LIMD1: variants seen among roughly 807,000 people sequenced by gnomAD.
The protein encoded by LIMD1 is LIM domain containing 1.
Under a neutral mutation model 58.4 loss-of-function variants are expected in LIMD1, and 23 were observed. The ratio of observed to expected loss-of-function variants is 0.39; its 90% CI spans 0.28 to 0.56. The LOEUF is 0.56. LIMD1 is among the 20% of genes least tolerant of loss of function. LIMD1 has a pLI of 0.57. For synonymous variants in LIMD1, 334 were observed against 345.5 expected, an observed-to-expected ratio of 0.97 and a Z score of 0.37; for missense variants, 838 against 855.5, an observed-to-expected ratio of 0.98 and a Z score of 0.25.
chr3:45,616,019 A>C (rs1324349539), intron 1 of LIMD1, among the ~76,000 whole-genome samples: 2 of 152,148 alleles, frequency 1.3e-5, no homozygotes, highest in Admixed American at 6.5e-5. Flanking sequence ...CTAGGGATTA[A>C]AAATAGAGTT....
chr3:45,609,542 C>T (rs1340609887), intron 1 of LIMD1, among the ~76,000 whole-genome samples: 1 of 152,122 alleles, frequency 6.6e-6, no homozygotes, highest in East Asian at 1.9e-4. Flanking sequence ...GTGGGTGGAG[C>T]TCCAGATTCC....
rs75493444 is a variant in LIMD1, at chr3:45,634,189, A to G, written c.1409-1961A>G. Reference sequence around the variant, plus strand: ...ATAAAAAACTACAGAAAATGTAAAGAAATAAGGCCAGCTACAGTTTTACAA... The same window carrying G: ...ATAAAAAACTACAGAAAATGTAAAGGAATAAGGCCAGCTACAGTTTTACAA... On this transcript the variant is annotated intron_variant, in intron 1 of 7. Transcript: ENST00000273317. 1.2e-3 allele frequency among the ~76,000 whole-genome samples: 180 copies of G among 152,378 alleles called. 5 individuals are homozygous for G. In the East Asian group the frequency reaches 0.028, roughly 24 times the overall value.
At chr3:45,620,150 G>A (rs1032730199) in intron 1 of LIMD1, among the ~76,000 whole-genome samples, 9 of 152,084 alleles carry the variant, frequency 5.9e-5, no homozygotes, top group Non-Finnish European at 5.9e-5. Flanking sequence ...TTCTGCTGGA[G>A]GTTGACATTT....
rs1044731149 is a variant in LIMD1 at position 45,681,605 on chromosome 3, G to A, written c.*4546G>A. 1.3e-5 allele frequency: 2 copies of A among 152,232 alleles called. No individual in the cohort carries two copies. The highest frequency in any genetic ancestry group is 1.9e-4 in the East Asian group (1 of 5,200). The allele number at this position is 152,232 out of a possible 1,614,324, so 9.4% of individuals were successfully genotyped here. A position where few individuals can be genotyped will look rare whatever the true frequency, so the allele number is the denominator to read the frequency against. Reference sequence around the variant, plus strand: ...CACGCAGTGGGCTGCATTACAAGAGGAACCCCCATGCTTAGGGGACCCTGG... The same window carrying A: ...CACGCAGTGGGCTGCATTACAAGAGAAACCCCCATGCTTAGGGGACCCTGG... On this transcript the variant is annotated 3_prime_UTR_variant, in exon 8 of 8. Coordinates refer to ENST00000273317, the MANE Select transcript of LIMD1 (RefSeq NM_014240.3).
chr3:45,649,646 AC>A (rs950793456), intron 2 of LIMD1, among the ~76,000 whole-genome samples: 11 of 148,310 alleles, frequency 7.4e-5, no homozygotes, highest in African/African-American at 2.7e-4. Flanking sequence ...GCACCACTGC[AC>A]TCCAGCCTGG....
intron 2 of LIMD1, among the ~76,000 whole-genome samples, chr3:45,647,834 C>G (rs1701922050): frequency 6.6e-6 from 1 of 152,140 alleles, no homozygotes; most frequent in Non-Finnish European, 1.5e-5. Flanking sequence ...CTCCGCTGCC[C>G]CACAGCCTCC....
At chr3:45,646,519 G>A (rs997032429) in intron 2 of LIMD1, among the ~76,000 whole-genome samples, 1 of 152,194 alleles carries the variant, frequency 6.6e-6, no homozygotes, top group Non-Finnish European at 1.5e-5. Context: ...TAACACAGCA[G>A]CTACTGGCCA....
chr3:45,631,521 C>T (rs956523062), intron 1 of LIMD1, among the ~76,000 whole-genome samples: 36 of 152,038 alleles, frequency 2.4e-4, no homozygotes, highest in Admixed American at 2.4e-3. Context: ...AGGTGGCTTC[C>T]TTGTTTTGTA....
In LIMD1 at chr3:45,685,390, C is replaced by T. The variant is rs1256309090; in HGVS notation, c.*8331C>T. 6.6e-6 allele frequency: 1 copy of T among 152,180 alleles called. No individual in the cohort carries two copies. The highest frequency in any genetic ancestry group is 1.5e-5 in the Non-Finnish European group (1 of 68,034). The allele number at this position is 152,180 out of a possible 1,614,324, so 9.4% of individuals were successfully genotyped here. A position where few individuals can be genotyped will look rare whatever the true frequency, so the allele number is the denominator to read the frequency against. On this transcript the variant is annotated 3_prime_UTR_variant, in exon 8 of 8. Transcript: ENST00000273317. ...ACGTCAAACTTTGCCTCTCTTAGTT[C>T]CTTCTACATGACAATGGGTGGCAGT...
At chr3:45,667,107 G>A (rs1007297599) in intron 3 of LIMD1, among the ~76,000 whole-genome samples, 1 of 152,220 alleles carries the variant, frequency 6.6e-6, no homozygotes, top group African/African-American at 2.4e-5. Flanking sequence ...CAGATGTTGG[G>A]AGGACCCCAG....
intron 4 of LIMD1, among the ~76,000 whole-genome samples, chr3:45,669,097 C>T (rs557362379): frequency 2.3e-4 from 35 of 152,320 alleles, no homozygotes; most frequent in African/African-American, 8.2e-4. Context: ...TAGGGCCTGT[C>T]ATTTAGTTCT....
Position 45,681,032 on chromosome 3 carries a change from G to GA in LIMD1, c.*3979dup, listed in dbSNP as rs1265373286. ...CTCAAAAAAAAAAAAAAAAGTAACAGAAAAAAGAGTGAAATATATTAGCTA... is the reference window on the plus strand; with the variant it reads ...CTCAAAAAAAAAAAAAAAAGTAACAGAAAAAAAGAGTGAAATATATTAGCTA... On this transcript the variant is annotated 3_prime_UTR_variant, in exon 8 of 8. Coordinates refer to ENST00000273317, the MANE Select transcript of LIMD1 (RefSeq NM_014240.3). The GA allele has an allele frequency of 6.7e-6, 1 of 150,040 alleles. No individual in the cohort carries two copies. Among genetic ancestry groups the GA allele is most frequent in the African/African-American group, 2.5e-5 (1 of 40,712 alleles). The allele number at this position is 150,040 out of a possible 1,614,324, so 9.3% of individuals were successfully genotyped here. A position where few individuals can be genotyped will look rare whatever the true frequency, so the allele number is the denominator to read the frequency against.
intron 2 of LIMD1, among the ~76,000 whole-genome samples, chr3:45,656,171 G>A (rs950618949): frequency 1.3e-5 from 2 of 152,166 alleles, no homozygotes; most frequent in Non-Finnish European, 1.5e-5. Flanking sequence ...GACCCTACTA[G>A]CACCCTGATG....
rs372335721 is a variant in LIMD1, at chr3:45,595,377, C to G, written c.498C>G (p.Gly166=). Residue 166 remains glycine, a synonymous_variant, in exon 1 of 8, where the codon GGC becomes GGG. Transcript: ENST00000273317. The part of the protein sequence containing the change: ...TSEMSAFHQP[G]PCEDPSCLTH... Reference sequence around the variant, plus strand: ...AGATGTCTGCTTTCCACCAGCCAGGCCCCTGTGAGGATCCTTCCTGCCTCA... The same window carrying G: ...AGATGTCTGCTTTCCACCAGCCAGGGCCCTGTGAGGATCCTTCCTGCCTCA... The G allele has an allele frequency of 1.2e-4, 200 of 1,613,724 alleles. No individual in the cohort carries two copies. Among genetic ancestry groups the G allele is most frequent in the Non-Finnish European group, 1.7e-4 (196 of 1,180,042 alleles).
At chr3:45,624,358 G>A (rs868557193) in intron 1 of LIMD1, among the ~76,000 whole-genome samples, 8 of 152,176 alleles carry the variant, frequency 5.3e-5, no homozygotes, top group Middle Eastern at 3.4e-3. Context: ...GATGTGAGAC[G>A]GGGGTAGGAG....
chr3:45,649,361 ATCTT>A (rs1173159773), intron 2 of LIMD1, among the ~76,000 whole-genome samples: 3 of 151,884 alleles, frequency 2.0e-5, no homozygotes, highest in Non-Finnish European at 4.4e-5. Context: ...TTCTGAATTT[ATCTT>A]TCTTTCATTT....
At chr3:45,624,606 C>T (rs370793335) in intron 1 of LIMD1, among the ~76,000 whole-genome samples, 25 of 152,216 alleles carry the variant, frequency 1.6e-4, no homozygotes, top group African/African-American at 5.5e-4. Flanking sequence ...GCCTGTAGTC[C>T]CAGCTACTCA....
chr3:45,653,762 T>A (rs560169371), intron 2 of LIMD1, among the ~76,000 whole-genome samples: 1 of 151,870 alleles, frequency 6.6e-6, no homozygotes, highest in Admixed American at 6.6e-5. Context: ...ATACAAAAAT[T>A]ACCTGGGAGT....
At chr3:45,648,099 T>C (rs1332119535) in intron 2 of LIMD1, among the ~76,000 whole-genome samples, 1 of 128 alleles carries the variant, frequency 7.8e-3, no homozygotes, top group Non-Finnish European at 0.015. Context: ...GTGATCAGTT[T>C]TGGGAAAAAT....
Sources: gnomAD v4.1 joint callset for allele counts (sites outside exome capture counted in the v4.1 genomes callset) on GRCh38, gnomAD v4.1.1 for gene constraint, MANE v1.5 for transcripts, NCBI Gene and HGNC (gene_info 2026-07-23, HGNC 2026-07-21) for gene names.